The following RBBP8 variants were observed in gnomAD, a reference collection of about 807,000 sequenced individuals.
The protein encoded by RBBP8 is DNA endonuclease RBBP8.
RBBP8 carries 88 observed loss-of-function variants against 108.3 expected under a neutral mutation model. The ratio of observed to expected loss-of-function variants is 0.81; its 90% CI spans 0.68 to 0.97. The LOEUF (loss-of-function observed/expected upper bound fraction) is 0.97, where lower values mean the gene tolerates loss of function less well. Among genes scored for constraint, RBBP8 ranks in the 50% least tolerant of loss-of-function variants. The pLI, the probability that RBBP8 is intolerant of heterozygous loss-of-function variation, is 0.00. For synonymous variants in RBBP8, 332 were observed against 348.2 expected (o/e 0.95, Z 0.52); for missense variants, 1,023 against 1,049.0 (o/e 0.98, Z 0.34).
At position 22,968,887 on chromosome 18, in the gene RBBP8, G is replaced by A. The variant is rs777415379; in HGVS notation, c.330G>A (p.Arg110=). The change falls in exon 5 of 19, where the codon CGG becomes CGA. Residue 110 remains arginine, a synonymous_variant. Transcript: ENST00000327155. ...AACAGCAAGAGTTTGAAAATATCCG[G>A]CAGCAGAATCTTAAACTTATTACAG... ...RKKQQEFENI[R]QQNLKLITEL... 6 of 1,612,758 alleles carry A rather than the reference G, an allele frequency of 3.7e-6. No homozygotes were observed. In the Admixed American group the frequency reaches 5.0e-5, roughly 13 times the overall value.
At chr18:22,939,681 G>T (rs1910892230) in intron 2 of RBBP8, among the ~76,000 whole-genome samples, 1 of 152,182 alleles carries the variant, frequency 6.6e-6, no homozygotes, top group African/African-American at 2.4e-5. Context: ...TTCAAGAAAT[G>T]TTTTTTGGGC....
At chr18:22,941,246 A>G (rs1911062210) in intron 2 of RBBP8, among the ~76,000 whole-genome samples, 1 of 152,036 alleles carries the variant, frequency 6.6e-6, no homozygotes, top group African/African-American at 2.4e-5. Context: ...ATCGCAGCTC[A>G]CTGCAACCTC....
chr18:22,978,753 A>T (rs530677414), intron 6 of RBBP8, among the ~76,000 whole-genome samples: 1 of 152,342 alleles, frequency 6.6e-6, no homozygotes, highest in East Asian at 1.9e-4. Flanking sequence ...GGAAGAGATT[A>T]AAAAATTAGA....
chr18:22,968,517 A>G (rs1463540404), intron 4 of RBBP8, among the ~76,000 whole-genome samples: 1 of 152,246 alleles, frequency 6.6e-6, no homozygotes, highest in Non-Finnish European at 1.5e-5. Flanking sequence ...ACTAGGGTTC[A>G]TATTTTGACC....
At chr18:22,970,207 A>AT (rs1024775234) in intron 5 of RBBP8, among the ~76,000 whole-genome samples, 20 of 151,776 alleles carry the variant, frequency 1.3e-4, no homozygotes, top group African/African-American at 4.6e-4. Context: ...ACTTTGTAGA[A>AT]TTTTTTTTTC....
intron 9 of RBBP8, among the ~76,000 whole-genome samples, chr18:22,990,643 T>C (rs1915617154): frequency 6.6e-6 from 1 of 152,176 alleles, no homozygotes; most frequent in African/African-American, 2.4e-5. Flanking sequence ...AAAGCATTTT[T>C]ATCACCTTCA....
intron 6 of RBBP8, among the ~76,000 whole-genome samples, chr18:22,981,558 C>T (rs998905879): frequency 6.6e-6 from 1 of 152,054 alleles, no homozygotes; most frequent in African/African-American, 2.4e-5. Context: ...TAAATAGTGC[C>T]GGGCAGTGTA....
chr18:22,992,890 A>G lies in RBBP8; in HGVS notation c.1063A>G (p.Lys355Glu), dbSNP rs200956310. The change falls in exon 11 of 19, where the codon AAA (lysine) becomes GAA (glutamate). Residue 355 changes from lysine (K) to glutamate (E), a missense_variant. By Grantham distance (56) the Lys-to-Glu change is moderately conservative. Coordinates refer to ENST00000327155, the MANE Select transcript of RBBP8 (RefSeq NM_002894.3). ...GTCCCCTTCTCTTTTACAGCCTGGGAAAAAAAAACATCTGAAAACACTCCC... is the reference window on the plus strand; with the variant it reads ...GTCCCCTTCTCTTTTACAGCCTGGGGAAAAAAAACATCTGAAAACACTCCC... ...SLSPSLLQPG[K>E]KKHLKTLPFS... 103 of 1,611,444 alleles carry G rather than the reference A, an allele frequency of 6.4e-5. No homozygotes were observed. Among genetic ancestry groups the G allele is most frequent in the Middle Eastern group, 3.3e-4 (2 of 6,050 alleles).
At position 22,982,924 on chromosome 18, in the gene RBBP8, C is replaced by T. The variant is rs912640322; in HGVS notation, c.604+531C>T. 5.3e-5 allele frequency among the ~76,000 whole-genome samples: 8 copies of T among 152,304 alleles called. No homozygotes were observed. In the South Asian group the frequency reaches 1.7e-3, roughly 32 times the overall value. ...AATTCAAATACAGATCTTCTTAGCT[C>T]TGAACTTTCCTACTCTCCAGGTCTT... On this transcript the variant is annotated intron_variant, in intron 7 of 18. Coordinates refer to ENST00000327155, the MANE Select transcript of RBBP8 (RefSeq NM_002894.3).
At chr18:22,951,218 G>GA (rs1912007668) in intron 4 of RBBP8, among the ~76,000 whole-genome samples, 1 of 152,174 alleles carries the variant, frequency 6.6e-6, no homozygotes, top group African/African-American at 2.4e-5. Context: ...GGGGGCTAGG[G>GA]ATGATACTTT....
At chr18:23,023,124 C>T (rs2046401001) in intron 18 of RBBP8, among the ~76,000 whole-genome samples, 2 of 151,948 alleles carry the variant, frequency 1.3e-5, no homozygotes, top group South Asian at 4.2e-4. Flanking sequence ...TCGTGAACTC[C>T]TGGCCTCAAG....
intron 15 of RBBP8, among the ~76,000 whole-genome samples, chr18:23,003,978 A>G (rs2045991702): frequency 1.4e-5 from 2 of 146,782 alleles, no homozygotes; most frequent in South Asian, 4.5e-4. Context: ...AATAGCGTGA[A>G]CCCGGGAGGT....
chr18:23,000,715 C>T (rs116892749), intron 14 of RBBP8, among the ~76,000 whole-genome samples: 8,596 of 147,900 alleles, frequency 0.058, 353 homozygotes, highest in Middle Eastern at 0.13. Flanking sequence ...CACTCCAGCC[C>T]GGGTGACAGA....
intron 6 of RBBP8, among the ~76,000 whole-genome samples, chr18:22,980,362 T>G (rs1914818701): frequency 6.6e-6 from 1 of 152,150 alleles, no homozygotes; most frequent in African/African-American, 2.4e-5. Context: ...CTAGGGTGTG[T>G]GAAGGGAGGT....
chr18:22,981,955 T>C (rs896906962), intron 6 of RBBP8, among the ~76,000 whole-genome samples: 28 of 152,242 alleles, frequency 1.8e-4, no homozygotes, highest in Non-Finnish European at 3.2e-4. Context: ...GTGGGTTCTC[T>C]CCTGATCTTG....
At chr18:23,024,836 G>GTCAGTTACAGA (rs528166701) in intron 18 of RBBP8, 91 of 152,292 alleles carry the variant, frequency 6.0e-4, no homozygotes, top group African/African-American at 2.1e-3. Context: ...GCCTGTATTT[G>GTCAGTTACAGA]TCAGTTACAG....
chr18:22,957,391 CACATTGTAAGTAA>C (rs1202034167), intron 4 of RBBP8, among the ~76,000 whole-genome samples: 10 of 144,636 alleles, frequency 6.9e-5, no homozygotes, highest in Non-Finnish European at 1.0e-4. Flanking sequence ...CAGCACTGAG[CACATTGTAAGTAA>C]ACAGTGAAAC....
intron 5 of RBBP8, among the ~76,000 whole-genome samples, chr18:22,974,932 CAGTT>C (rs1914391458): frequency 6.6e-6 from 1 of 152,126 alleles, no homozygotes; most frequent in South Asian, 2.1e-4. Context: ...ATAAAATTAT[CAGTT>C]AATCAGTTAC....
In RBBP8 at chr18:23,013,071, A is replaced by G. The variant is rs538752821; in HGVS notation, c.2358-3757A>G. ...TAAATATTTTAAGCCTATTGATCAG[A>G]AAAAAAAAAAAGATATCCTTTCAAA... is the stretch of plus-strand genomic sequence containing the variant. On this transcript the variant is annotated intron_variant, in intron 16 of 18. Transcript: ENST00000327155. 2.4e-3 allele frequency among the ~76,000 whole-genome samples: 347 copies of G among 146,076 alleles called. 4 individuals carry two copies. Among genetic ancestry groups the G allele is most frequent in the Non-Finnish European group, 4.0e-3 (261 of 66,030 alleles).
Sources: gnomAD v4.1 joint callset for allele counts (sites outside exome capture counted in the v4.1 genomes callset) on GRCh38, gnomAD v4.1.1 for gene constraint, MANE v1.5 for transcripts, NCBI Gene and HGNC (gene_info 2026-07-23, HGNC 2026-07-21) for gene names.